TBC1D12: variants seen among roughly 807,000 people sequenced by gnomAD.
TBC1D12 encodes the protein TBC1 domain family member 12.
In TBC1D12, 56 loss-of-function variants were observed where a neutral mutation model predicts 86.7. The ratio of observed to expected loss-of-function variants is 0.65; its 90% CI spans 0.52 to 0.81. The LOEUF (loss-of-function observed/expected upper bound fraction) is 0.81. TBC1D12 is among the 30% of genes least tolerant of loss of function. TBC1D12 has a pLI of 0.00. For synonymous variants in TBC1D12, 421 were observed against 411.7 expected, an observed-to-expected ratio of 1.02 and a Z score of -0.27; for missense variants, 1,023 against 1,038.8, an observed-to-expected ratio of 0.98 and a Z score of 0.21.
At chr10:94,466,426 G>GAC (rs2055825587) in intron 2 of TBC1D12, among the ~76,000 whole-genome samples, 1 of 151,472 alleles carries the variant, frequency 6.6e-6, no homozygotes, top group South Asian at 2.1e-4. Context: ...ATATATATAT[G>GAC]TATATATGTA....
chr10:94,411,958 A>G (rs992255498), intron 1 of TBC1D12, among the ~76,000 whole-genome samples: 2 of 151,790 alleles, frequency 1.3e-5, no homozygotes, highest in African/African-American at 2.4e-5. Context: ...ACTGTCTCCA[A>G]AAAAAAAGAG....
chr10:94,533,005 T>A, intron 12 of TBC1D12, 23 bp from the exon 13 acceptor site: 2 of 1,374,658 alleles, frequency 1.5e-6, no homozygotes, highest in Non-Finnish European at 2.0e-6. Flanking sequence ...TGAGGATTAA[T>A]CTTTATTTTA....
At chr10:94,506,660 A>C (rs957001208) in intron 6 of TBC1D12, among the ~76,000 whole-genome samples, 16 of 152,202 alleles carry the variant, frequency 1.1e-4, no homozygotes, top group African/African-American at 3.9e-4. Flanking sequence ...TTAAAAAGAT[A>C]GGGGTAGAGA....
chr10:94,511,460 T>G (rs2056525957), intron 8 of TBC1D12, 123 bp from the exon 9 acceptor site: 2 of 698,884 alleles, frequency 2.9e-6, no homozygotes, highest in African/African-American at 1.8e-5. Context: ...ATTTATAATA[T>G]TTTTTATTAA....
At chr10:94,492,598 A>G (rs1171263384) in intron 3 of TBC1D12, among the ~76,000 whole-genome samples, 1 of 152,234 alleles carries the variant, frequency 6.6e-6, no homozygotes, top group Non-Finnish European at 1.5e-5. Context: ...CAACAACATG[A>G]ATGATTTTCA....
intron 7 of TBC1D12, among the ~76,000 whole-genome samples, chr10:94,507,944 G>A (rs1420585108): frequency 2.6e-5 from 4 of 152,268 alleles, no homozygotes; most frequent in Admixed American, 6.5e-5. Flanking sequence ...CTGAGATCAC[G>A]CCATTGCACT....
chr10:94,419,280 A>G (rs2055043862), intron 1 of TBC1D12, among the ~76,000 whole-genome samples: 1 of 152,236 alleles, frequency 6.6e-6, no homozygotes, highest in African/African-American at 2.4e-5. Flanking sequence ...AATGTATATT[A>G]AAGTATATTA....
At chr10:94,462,458 G>T (rs2055744671) in intron 2 of TBC1D12, among the ~76,000 whole-genome samples, 1 of 152,092 alleles carries the variant, frequency 6.6e-6, no homozygotes, top group Admixed American at 6.5e-5. Flanking sequence ...AAATGTCTTA[G>T]ACATTGTCAG....
chr10:94,457,713 C>T (rs2055649324), intron 2 of TBC1D12, among the ~76,000 whole-genome samples: 1 of 152,076 alleles, frequency 6.6e-6, no homozygotes, highest in African/African-American at 2.4e-5. Context: ...TTTTGTCTTC[C>T]ACATCTTTTC....
At chr10:94,489,392 G>A (rs913734138) in intron 3 of TBC1D12, among the ~76,000 whole-genome samples, 27 of 152,228 alleles carry the variant, frequency 1.8e-4, no homozygotes, top group African/African-American at 6.0e-4. Flanking sequence ...GGTTGGGGGA[G>A]GGGTGGTGTT....
At chr10:94,532,912 G>A (rs939204221) in intron 12 of TBC1D12, 116 bp from the exon 13 acceptor site, 8 of 556,572 alleles carry the variant, frequency 1.4e-5, no homozygotes, top group Middle Eastern at 4.7e-4. Flanking sequence ...ACACACTTTC[G>A]GGGACAGTGT....
chr10:94,514,588 C>T (rs1257425661), intron 9 of TBC1D12, among the ~76,000 whole-genome samples: 3 of 152,176 alleles, frequency 2.0e-5, no homozygotes, highest in African/African-American at 4.8e-5. Context: ...TTTTCCCAAA[C>T]GACATAATTT....
At chr10:94,522,789 C>G (rs1842185227) in intron 11 of TBC1D12, among the ~76,000 whole-genome samples, 1 of 151,904 alleles carries the variant, frequency 6.6e-6, no homozygotes, top group African/African-American at 2.4e-5. Context: ...GGCACGGTGG[C>G]TCATGCCTGT....
At chr10:94,469,457 T>TC (rs1382472804) in intron 2 of TBC1D12, among the ~76,000 whole-genome samples, 1 of 146,386 alleles carries the variant, frequency 6.8e-6, no homozygotes, top group Non-Finnish European at 1.5e-5. Context: ...CTTTTTTTTT[T>TC]TTTTTTTTTG....
intron 7 of TBC1D12, chr10:94,509,185 A>G (rs2134203477): frequency 6.7e-6 from 1 of 149,788 alleles, no homozygotes; most frequent in African/African-American, 2.5e-5. Context: ...GCTCACTGCA[A>G]TCTCTGCCTC....
chr10:94,499,686 G>A (rs6583943), intron 5 of TBC1D12, among the ~76,000 whole-genome samples: 59,567 of 151,890 alleles, frequency 0.39, 12,379 homozygotes, highest in East Asian at 0.73. Context: ...CTTTTATAAG[G>A]TGTATGTATT....
rs147598597 is a variant in TBC1D12 at position 94,474,930 on chromosome 10, A to G, written c.1211+147A>G. Reference sequence around the variant, plus strand: ...AATCCCTGTTGTCTATCCTAAAACTATTTGGGGAGAATATATTTTTCTTGG... The same window carrying G: ...AATCCCTGTTGTCTATCCTAAAACTGTTTGGGGAGAATATATTTTTCTTGG... On this transcript the variant is annotated intron_variant, in intron 3 of 12. Coordinates refer to ENST00000225235, the MANE Select transcript of TBC1D12 (RefSeq NM_015188.2). The G allele has an allele frequency of 2.3e-4, 177 of 757,766 alleles. No individual in the cohort carries two copies. The East Asian group carries it at 4.3e-3, about 19-fold the overall frequency. The allele number at this position is 757,766 out of a possible 1,614,324, so 46.9% of individuals were successfully genotyped here.
At chr10:94,411,398 C>T (rs902079340) in intron 1 of TBC1D12, among the ~76,000 whole-genome samples, 1 of 152,042 alleles carries the variant, frequency 6.6e-6, no homozygotes. Context: ...TGAACTAGTG[C>T]AGTTGTTTGT....
chr10:94,466,406 T>C (rs933711000), intron 2 of TBC1D12, among the ~76,000 whole-genome samples: 8 of 152,072 alleles, frequency 5.3e-5, no homozygotes, highest in African/African-American at 1.9e-4. Context: ...TATTGCTGTC[T>C]ATTGACAACA....
Sources: allele counts gnomAD v4.1 joint callset (sites outside exome capture counted in the v4.1 genomes callset), GRCh38; gene constraint gnomAD v4.1.1; transcripts MANE v1.5; gene names NCBI Gene and HGNC (gene_info 2026-07-23, HGNC 2026-07-21).